Variants in HDHD5 observed in about 807,000 individuals in gnomAD.
The protein encoded by HDHD5 is haloacid dehalogenase like hydrolase domain containing 5.
HDHD5 carries 34 observed loss-of-function variants against 35.5 expected under a neutral mutation model. That is an observed-to-expected ratio of 0.96 (90% CI 0.73 to 1.28). HDHD5 has a LOEUF of 1.28. Ranked by LOEUF, HDHD5 falls within the 50% of genes most tolerant of loss-of-function variation. The pLI, the probability that HDHD5 is intolerant of heterozygous loss-of-function variation, is 0.00. For missense variants in HDHD5, 589 were observed against 560.2 expected, an observed-to-expected ratio of 1.05 and a Z score of -0.52; for synonymous variants, 248 against 240.6, an observed-to-expected ratio of 1.03 and a Z score of -0.29.
At chr22:17,139,256 A>G (rs2061572036) in intron 6 of HDHD5, among the ~76,000 whole-genome samples, 1 of 152,202 alleles carries the variant, frequency 6.6e-6, no homozygotes, top group Non-Finnish European at 1.5e-5. Context: ...GGCCAGGCGC[A>G]GTGGCTCATG....
rs550836433 is a variant in HDHD5 at position 17,139,161 on chromosome 22, G to A, written c.747-423C>T. On this transcript the variant is annotated intron_variant, in intron 6 of 7. Coordinates refer to ENST00000336737, the MANE Select transcript of HDHD5 (RefSeq NM_033070.3). ...TCGCTTGCCTCCCTGCCAGCGAGGC[G>A]TGGCCATGTGACTAAGCTACAGTCA... Among the ~76,000 whole-genome samples, 30 of 152,346 alleles carry A rather than the reference G, an allele frequency of 2.0e-4. No homozygotes were observed. The East Asian group carries it at 4.8e-3, about 24-fold the overall frequency.
At chr22:17,140,405 T>C (rs1452822749) in intron 6 of HDHD5, among the ~76,000 whole-genome samples, 4 of 152,112 alleles carry the variant, frequency 2.6e-5, no homozygotes, top group Non-Finnish European at 4.4e-5. Flanking sequence ...TGGGTCTCAG[T>C]TCTCTGGTCT....
At chr22:17,157,933 T>C (rs1290442173) in intron 1 of HDHD5, among the ~76,000 whole-genome samples, 2 of 152,210 alleles carry the variant, frequency 1.3e-5, no homozygotes, top group Admixed American at 1.3e-4. Context: ...CTAATAATAG[T>C]ACTTTCCTCG....
Position 17,138,595 on chromosome 22 carries a change from T to C in HDHD5, c.890A>G (p.Glu297Gly). The C allele has an allele frequency of 1.2e-6, 2 of 1,614,188 alleles. No homozygotes were observed. Among genetic ancestry groups the C allele is most frequent in the Non-Finnish European group, 1.7e-6 (2 of 1,180,024 alleles). Residue 297 changes from glutamate to glycine, a missense_variant, in exon 7 of 8, where the codon GAG (glutamate) becomes GGG (glycine). Transcript: ENST00000336737. ...GATGGGGGCGGCCCAGCCCCGCCTC[T>C]CCGCCTGTCGCCTGATCAGGTCCTC... is the stretch of plus-strand genomic sequence containing the variant. ...YAEDLIRRQA[E>G]RRGWAAPIRK...
intron 5 of HDHD5, chr22:17,141,538 G>C: frequency 8.4e-7 from 1 of 1,194,226 alleles, no homozygotes; most frequent in Non-Finnish European, 1.0e-6. Context: ...TGCTGGCTGG[G>C]ACTCTGCCAC....
At chr22:17,161,466 G>A (rs2061863485), upstream of HDHD5, among the ~76,000 whole-genome samples, 1 of 151,978 alleles carries the variant, frequency 6.6e-6, no homozygotes, top group Non-Finnish European at 1.5e-5. Context: ...GGCTGAGGCA[G>A]GAGAATCACT....
At chr22:17,144,932 G>T in intron 4 of HDHD5, 92 bp downstream of exon 4, 1 of 1,453,414 alleles carries the variant, frequency 6.9e-7, no homozygotes, top group Non-Finnish European at 9.5e-7. Context: ...TCACAGCTCT[G>T]CAGGAGGGCT....
At position 17,158,995 on chromosome 22, in the gene HDHD5, G is replaced by A. The variant is rs372179805; in HGVS notation, c.126+131C>T. On this transcript the variant is annotated intron_variant, in intron 1 of 7. Coordinates refer to ENST00000336737, the MANE Select transcript of HDHD5 (RefSeq NM_033070.3). ...TCCAGCAAGAACGCGATGCACTCGGGCGCGACGACGGTCCAGGCAGTTCCC... is the reference window on the plus strand; with the variant it reads ...TCCAGCAAGAACGCGATGCACTCGGACGCGACGACGGTCCAGGCAGTTCCC... 6.5e-4 allele frequency: 544 copies of A among 835,262 alleles called. 6 individuals are homozygous for A. In the East Asian group the frequency reaches 0.012, roughly 19 times the overall value. The allele number at this position is 835,262 out of a possible 1,614,324, so 51.7% of individuals were successfully genotyped here.
intron 3 of HDHD5, among the ~76,000 whole-genome samples, chr22:17,147,934 T>C (rs1240348033): frequency 6.6e-6 from 1 of 152,240 alleles, no homozygotes; most frequent in Non-Finnish European, 1.5e-5. Context: ...ATTCAGAGTG[T>C]GCGGCAGACC....
At chr22:17,161,239 C>CT (rs1034911257), upstream of HDHD5, among the ~76,000 whole-genome samples, 8 of 115,408 alleles carry the variant, frequency 6.9e-5, 1 homozygote, top group East Asian at 2.0e-3. Context: ...GAGTGAGACT[C>CT]TATCTCAAAA....
rs76460155 is a variant in HDHD5, at chr22:17,158,673, C to A, written c.126+453G>T. ...CTCCAGCGCTCAGTCGAGGTCACAG[C>A]GAGCTGAACTGAACCCAAGGCCCGC... On this transcript the variant is annotated intron_variant, in intron 1 of 7. Coordinates refer to ENST00000336737, the MANE Select transcript of HDHD5 (RefSeq NM_033070.3). The A allele has an allele frequency of 2.2e-3, 335 of 152,634 alleles. 2 individuals are homozygous for A. Among genetic ancestry groups the A allele is most frequent in the Non-Finnish European group, 3.4e-3 (231 of 68,280 alleles). The allele number at this position is 152,634 out of a possible 1,614,324, so 9.5% of individuals were successfully genotyped here.
At chr22:17,145,667 G>C (rs2061654463) in intron 3 of HDHD5, among the ~76,000 whole-genome samples, 1 of 152,082 alleles carries the variant, frequency 6.6e-6, no homozygotes, top group African/African-American at 2.4e-5. Flanking sequence ...ACTCCAACTT[G>C]GGCAACAGAG....
upstream of HDHD5, chr22:17,159,293 C>CG: frequency 8.1e-7 from 1 of 1,239,110 alleles, no homozygotes; most frequent in Non-Finnish European, 1.0e-6. Context: ...GCGGCCCCCC[C>CG]CCCCCGCGAG....
At chr22:17,160,761 A>G (rs1475065521), upstream of HDHD5, among the ~76,000 whole-genome samples, 1 of 152,212 alleles carries the variant, frequency 6.6e-6, no homozygotes, top group Non-Finnish European at 1.5e-5. Context: ...ACAGCTAATC[A>G]GAATTTGGAA....
intron 1 of HDHD5, among the ~76,000 whole-genome samples, chr22:17,165,032 A>G (rs1405437074): frequency 6.6e-6 from 1 of 152,124 alleles, no homozygotes; most frequent in East Asian, 1.9e-4. Flanking sequence ...ATCTCTCTCC[A>G]TCTCTCTCAT....
intron 6 of HDHD5, among the ~76,000 whole-genome samples, chr22:17,140,076 C>A (rs1391846945): frequency 6.6e-6 from 1 of 152,162 alleles, no homozygotes; most frequent in Admixed American, 6.5e-5. Context: ...TTAAAAGTGA[C>A]AAGAGCATAC....
At position 17,141,144 on chromosome 22, in the gene HDHD5, C is replaced by T. The variant is rs1406081271; in HGVS notation, c.661G>A (p.Gly221Ser). The change falls in exon 6 of 8, where the codon GGC becomes AGC. Residue 221 changes from glycine to serine, a missense_variant. Coordinates refer to ENST00000336737, the MANE Select transcript of HDHD5 (RefSeq NM_033070.3). ...TGGGGGTAGGGGGGTGTTGCCAGGC[C>T]AGCCCCAGGGCTCCCATTGCTGAGG... is the stretch of plus-strand genomic sequence containing the variant. ...VLLSNGSPGA[G>S]LATPPYPHLP... The T allele has an allele frequency of 1.9e-6, 3 of 1,593,660 alleles. No homozygotes were observed. The South Asian group carries it at 3.4e-5, about 18-fold the overall frequency.
At chr22:17,154,334 T>C (rs1008110975) in intron 1 of HDHD5, among the ~76,000 whole-genome samples, 5 of 150,368 alleles carry the variant, frequency 3.3e-5, no homozygotes, top group Non-Finnish European at 5.9e-5. Flanking sequence ...AATACAAAAT[T>C]AGCTGGGCGT....
rs144245017 is a variant in HDHD5, at chr22:17,148,170, C to T, written c.443+278G>A. Among the ~76,000 whole-genome samples the T allele has an allele frequency of 2.3e-4, 35 of 152,212 alleles. No individual in the cohort carries two copies. The East Asian group carries it at 5.0e-3, about 22-fold the overall frequency. ...AAAATACAGATTCCTGAGTTTTACCCGAGACCTAGTGAATTAAGGCTCCAG... is the reference window on the plus strand; with the variant it reads ...AAAATACAGATTCCTGAGTTTTACCTGAGACCTAGTGAATTAAGGCTCCAG... On this transcript the variant is annotated intron_variant, in intron 3 of 7. Coordinates refer to ENST00000336737, the MANE Select transcript of HDHD5 (RefSeq NM_033070.3).
Sources: allele counts gnomAD v4.1 joint callset (sites outside exome capture counted in the v4.1 genomes callset), GRCh38; gene constraint gnomAD v4.1.1; transcripts MANE v1.5; gene names NCBI Gene and HGNC (gene_info 2026-07-23, HGNC 2026-07-21).